TMEM272: variants seen among roughly 807,000 people sequenced by gnomAD.
TMEM272 encodes the protein transmembrane protein 272.
A neutral mutation model predicts 3.7 loss-of-function variants in TMEM272; 8 were observed. That is an observed-to-expected ratio of 2.17 (90% CI 1.27 to 3.91). The LOEUF (loss-of-function observed/expected upper bound fraction) is 3.91, where lower values mean the gene tolerates loss of function less well. TMEM272 is among the 30% of genes most tolerant of loss of function. The probability of loss-of-function intolerance (pLI) is 0.00; values close to 1 mark genes in which losing one functional copy is unlikely to be tolerated. For synonymous variants in TMEM272, 63 were observed against 39.8 expected (o/e 1.58, Z -2.20); for missense variants, 166 against 91.5 (o/e 1.81, Z -3.32).
rs1484311576 is a variant in TMEM272, at chr13:51,815,931, A to G, written c.*820T>C. 6.6e-6 allele frequency: 1 copy of G among 152,278 alleles called. No homozygotes were observed. The highest frequency in any genetic ancestry group is 1.5e-5 in the Non-Finnish European group (1 of 68,078). The allele number at this position is 152,278 out of a possible 1,614,324, so 9.4% of individuals were successfully genotyped here. A position where few individuals can be genotyped will look rare whatever the true frequency, so the allele number is the denominator to read the frequency against. On this transcript the variant is annotated 3_prime_UTR_variant, in exon 5 of 5. Coordinates refer to ENST00000629372, the MANE Select transcript of TMEM272 (RefSeq NM_001351003.2). ...CACTGACGGCACCCCAACTCATGCA[A>G]CCTGTCCAGAAACATACAAAACTGG...
chr13:51,863,708 C>CACACACA, the TMEM272 span, among the ~76,000 whole-genome samples: 9,515 of 141,074 alleles, frequency 0.067, 355 homozygotes, highest in Middle Eastern at 0.12. Context: ...CACACACACA[C>CACACACA]ACCAGCTATG....
At chr13:51,864,982 CAAGT>C in the TMEM272 span, among the ~76,000 whole-genome samples, 3 of 152,232 alleles carry the variant, frequency 2.0e-5, no homozygotes, top group African/African-American at 7.2e-5. Context: ...GAACAATTCT[CAAGT>C]GAGTACACCA....
At chr13:51,902,946 C>T in the TMEM272 span, among the ~76,000 whole-genome samples, 1 of 152,338 alleles carries the variant, frequency 6.6e-6, no homozygotes, top group African/African-American at 2.4e-5. Context: ...GGCAATTCTT[C>T]AGGAAGCAGG....
At chr13:51,916,377 T>C in the TMEM272 span, among the ~76,000 whole-genome samples, 1 of 152,216 alleles carries the variant, frequency 6.6e-6, no homozygotes, top group African/African-American at 2.4e-5. Flanking sequence ...AATAGTATTT[T>C]ACATATGGGC....
intron 2 of TMEM272, among the ~76,000 whole-genome samples, chr13:51,832,998 A>G (rs80188253): frequency 0.017 from 2,519 of 152,282 alleles, 29 homozygotes; most frequent in African/African-American, 0.038. Context: ...GGAAGCCTGG[A>G]GGAGGAAAGA....
chr13:51,891,362 A>T, the TMEM272 span, among the ~76,000 whole-genome samples: 3 of 152,330 alleles, frequency 2.0e-5, 1 homozygote, highest in South Asian at 6.2e-4. Context: ...ATTATTTGCC[A>T]TTACCTGACA....
chr13:51,888,046 CT>C, the TMEM272 span, among the ~76,000 whole-genome samples: 1,640 of 141,694 alleles, frequency 0.012, 25 homozygotes, highest in East Asian at 0.052. Flanking sequence ...TTGACACAAT[CT>C]TTTTTTTTTT....
chr13:51,846,219 G>A (rs1171410342), upstream of TMEM272, among the ~76,000 whole-genome samples: 1 of 152,212 alleles, frequency 6.6e-6, no homozygotes, highest in Non-Finnish European at 1.5e-5. Context: ...GCAAGGGGAG[G>A]AGAGCCTGCT....
the TMEM272 span, among the ~76,000 whole-genome samples, chr13:51,927,299 T>C: frequency 1.3e-5 from 2 of 152,150 alleles, no homozygotes; most frequent in African/African-American, 4.8e-5. Context: ...TGTGATTAAA[T>C]TCACACGATG....
At chr13:51,927,528 T>A in the TMEM272 span, among the ~76,000 whole-genome samples, 1 of 152,210 alleles carries the variant, frequency 6.6e-6, no homozygotes, top group Admixed American at 6.5e-5. Flanking sequence ...ATCGAATTAC[T>A]GAATATAAGG....
intron 1 of TMEM272, 86 bp from the exon 2 acceptor site, chr13:51,838,639 G>A (rs1260872061): frequency 1.4e-6 from 1 of 697,882 alleles, no homozygotes; most frequent in African/African-American, 1.7e-5. Context: ...CATGTCAGTG[G>A]TGGCCTGCAG....
At chr13:51,864,334 C>T in the TMEM272 span, among the ~76,000 whole-genome samples, 5 of 152,188 alleles carry the variant, frequency 3.3e-5, no homozygotes, top group Admixed American at 6.5e-5. Context: ...CTTAGTCTCA[C>T]CTCCTCATCC....
In TMEM272 at chr13:51,815,211, C is replaced by T. The variant is rs4290380; in HGVS notation, c.*1540G>A. The T allele has an allele frequency of 0.74, 112,968 of 152,660 alleles. 41,961 individuals are homozygous for T. Among genetic ancestry groups the T allele is most frequent in the African/African-American group, 0.76 (31,582 of 41,480 alleles). 9.5% of individuals were successfully genotyped at this position (152,660 alleles called of 1,614,324 possible). On this transcript the variant is annotated 3_prime_UTR_variant, in exon 5 of 5. Transcript: ENST00000629372. ...ATCTGCAAACTGCACACCCGCTGGTCTTCTGCCATGGCTCAAGTGAAAATG... is the reference window on the plus strand; with the variant it reads ...ATCTGCAAACTGCACACCCGCTGGTTTTCTGCCATGGCTCAAGTGAAAATG...
chr13:51,927,473 GTCC>G, the TMEM272 span, among the ~76,000 whole-genome samples: 3 of 152,206 alleles, frequency 2.0e-5, no homozygotes, highest in African/African-American at 7.2e-5. Context: ...ATGTAATTCT[GTCC>G]TGGAGAAAAG....
chr13:51,891,342 A>T, the TMEM272 span, among the ~76,000 whole-genome samples: 1 of 152,228 alleles, frequency 6.6e-6, no homozygotes, highest in Admixed American at 6.5e-5. Flanking sequence ...GCCTTATCCC[A>T]TGAATAGAGA....
chr13:51,835,391 A>T (rs2139578056), intron 2 of TMEM272, among the ~76,000 whole-genome samples: 1 of 151,426 alleles, frequency 6.6e-6, no homozygotes, highest in Non-Finnish European at 1.5e-5. Context: ...CACCCAGCTA[A>T]TTTTTTTTGT....
chr13:51,847,818 A>G (rs1435323091), upstream of TMEM272, among the ~76,000 whole-genome samples: 1 of 152,176 alleles, frequency 6.6e-6, no homozygotes, highest in Non-Finnish European at 1.5e-5. Context: ...ATCAAAACAA[A>G]CAAAATTTCA....
At chr13:51,915,408 G>A in the TMEM272 span, among the ~76,000 whole-genome samples, 1 of 152,206 alleles carries the variant, frequency 6.6e-6, no homozygotes, top group Non-Finnish European at 1.5e-5. Flanking sequence ...AATGCATGAT[G>A]TGCTTAAAAG....
chr13:51,895,848 C>T, the TMEM272 span, among the ~76,000 whole-genome samples: 771 of 152,308 alleles, frequency 5.1e-3, 9 homozygotes, highest in African/African-American at 0.017. Context: ...ATCCTCTCCA[C>T]TTCTCAGATT....
Sources: gnomAD v4.1 joint callset for allele counts (sites outside exome capture counted in the v4.1 genomes callset) on GRCh38, gnomAD v4.1.1 for gene constraint, MANE v1.5 for transcripts, NCBI Gene and HGNC (gene_info 2026-07-23, HGNC 2026-07-21) for gene names.